RELN: variants seen among roughly 807,000 people sequenced by gnomAD.
RELN encodes the protein reelin.
Under a neutral mutation model 427.6 loss-of-function variants are expected in RELN, and 108 were observed. The observed-to-expected ratio is 0.25, with a 90% CI of 0.22 to 0.30. The LOEUF is 0.30. RELN is among the 10% of genes least tolerant of loss of function. RELN has a pLI of 1.00. For synonymous variants in RELN, 1,524 were observed against 1,513.4 expected (o/e 1.01, Z -0.16); for missense variants, 3,715 against 4,302.8 (o/e 0.86, Z 3.82).
At chr7:103,897,489 G>C (rs1794987173) in intron 2 of RELN, among the ~76,000 whole-genome samples, 1 of 151,910 alleles carries the variant, frequency 6.6e-6, no homozygotes, top group Non-Finnish European at 1.5e-5. Context: ...TATTCCATTT[G>C]AACCTGTTAT....
intron 1 of RELN, among the ~76,000 whole-genome samples, chr7:103,937,650 G>T (rs1357533508): frequency 6.6e-6 from 1 of 152,208 alleles, no homozygotes; most frequent in Non-Finnish European, 1.5e-5. Context: ...CTCAGCTAAT[G>T]TCCAGGTACT....
intron 1 of RELN, among the ~76,000 whole-genome samples, chr7:103,943,611 G>A (rs1260658947): frequency 6.6e-6 from 1 of 152,050 alleles, no homozygotes; most frequent in Non-Finnish European, 1.5e-5. Flanking sequence ...AGTGCTTTGG[G>A]AGGCAGAGGT....
rs1051830977 is a variant in RELN at position 103,890,946 on chromosome 7, C to T, written c.337+26129G>A. Among the ~76,000 whole-genome samples the T allele has an allele frequency of 5.3e-5, 8 of 151,970 alleles. No individual in the cohort carries two copies. The South Asian group carries it at 8.3e-4, about 16-fold the overall frequency. On this transcript the variant is annotated intron_variant, in intron 2 of 64. Transcript: ENST00000428762. ...CAAAAATTAGCTGGGCATGGTGGTG[C>T]GCACCTGTAATCCCAGCTGTAATCC...
At chr7:103,959,785 C>T (rs1292535738) in intron 1 of RELN, among the ~76,000 whole-genome samples, 5 of 151,858 alleles carry the variant, frequency 3.3e-5, no homozygotes, top group African/African-American at 1.2e-4. Flanking sequence ...AATTTTTTAA[C>T]AGTTTTTGTG....
At chr7:103,679,870 A>C (rs1833617283) in intron 11 of RELN, among the ~76,000 whole-genome samples, 1 of 152,152 alleles carries the variant, frequency 6.6e-6, no homozygotes, top group African/African-American at 2.4e-5. Flanking sequence ...GGTTTCTTCT[A>C]ATATCAAGTC....
chr7:103,908,636 AT>A (rs1795271946), intron 2 of RELN, among the ~76,000 whole-genome samples: 1 of 152,190 alleles, frequency 6.6e-6, no homozygotes, highest in African/African-American at 2.4e-5. Flanking sequence ...CAATAGCTGT[AT>A]ATTTGTCATG....
At chr7:103,916,937 A>G (rs1018632711) in intron 2 of RELN, 138 bp downstream of exon 2, 11 of 734,362 alleles carry the variant, frequency 1.5e-5, no homozygotes, top group Admixed American at 4.3e-5. Context: ...TCAAGCAAAC[A>G]CACACAAAAA....
At position 103,879,376 on chromosome 7, in the gene RELN, GAGTTAT is replaced by G. The variant is rs1340011992; in HGVS notation, c.337+37693_337+37698del. ...TTTACAAGTCAGGCAGAGATAACTG[GAGTTAT>G]CAAGGGTAGAAAGAACATCTCTGTT... On this transcript the variant is annotated intron_variant, in intron 2 of 64. Transcript: ENST00000428762. 9.8e-5 allele frequency among the ~76,000 whole-genome samples: 15 copies of G among 152,290 alleles called. No homozygotes were observed. The East Asian group carries it at 2.7e-3, about 27-fold the overall frequency.
Position 103,713,470 on chromosome 7 carries a change from T to C in RELN, c.805+9670A>G, listed in dbSNP as rs1562967874. On this transcript the variant is annotated intron_variant, in intron 8 of 64. Coordinates refer to ENST00000428762, the MANE Select transcript of RELN (RefSeq NM_005045.4). ...CAGTGAGTGGAAAGAGAGATAGAGA[T>C]GAATGGACAAATTTTAGGGAGCTTT... Among the ~76,000 whole-genome samples, 7 of 152,246 alleles carry C rather than the reference T, an allele frequency of 4.6e-5. No homozygotes were observed. In the South Asian group the frequency reaches 1.5e-3, roughly 32 times the overall value.
Position 103,716,663 on chromosome 7 carries a change from T to A in RELN, c.805+6477A>T, listed in dbSNP as rs1397057990. Among the ~76,000 whole-genome samples, 7 of 152,316 alleles carry A rather than the reference T, an allele frequency of 4.6e-5. No homozygotes were observed. In the South Asian group the frequency reaches 1.5e-3, roughly 32 times the overall value. Reference sequence around the variant, plus strand: ...AGGAATTCAATTTAGTTACATTGTTTTTAGTTCTAGGTGTGTGCCAAATTC... The same window carrying A: ...AGGAATTCAATTTAGTTACATTGTTATTAGTTCTAGGTGTGTGCCAAATTC... On this transcript the variant is annotated intron_variant, in intron 8 of 64. Coordinates refer to ENST00000428762, the MANE Select transcript of RELN (RefSeq NM_005045.4).
chr7:103,779,198 C>T (rs1791824209), intron 3 of RELN, among the ~76,000 whole-genome samples: 3 of 152,082 alleles, frequency 2.0e-5, no homozygotes. Context: ...GGGCAACAGC[C>T]AATGTTCCAG....
chr7:103,489,215 T>TGTGCGCGCGCACGCGC (rs1028667852), intron 60 of RELN, among the ~76,000 whole-genome samples: 12 of 151,446 alleles, frequency 7.9e-5, no homozygotes, highest in African/African-American at 2.7e-4. Context: ...TGTGTGTGTG[T>TGTGCGCGCGCACGCGC]GTGTGTGTGT....
intron 20 of RELN, among the ~76,000 whole-genome samples, chr7:103,623,976 A>G (rs1638756416): frequency 1.3e-5 from 2 of 152,178 alleles, no homozygotes; most frequent in Non-Finnish European, 2.9e-5. Context: ...CCTATCATTC[A>G]GTTCTGTCAC....
chr7:103,774,771 TTA>T (rs1791696745), intron 4 of RELN, among the ~76,000 whole-genome samples: 1 of 152,228 alleles, frequency 6.6e-6, no homozygotes, highest in African/African-American at 2.4e-5. Flanking sequence ...TGCACTCTTG[TTA>T]GCATTATTTT....
chr7:103,669,937 C>A (rs913194056), intron 11 of RELN, among the ~76,000 whole-genome samples: 3 of 152,016 alleles, frequency 2.0e-5, no homozygotes, highest in Non-Finnish European at 4.4e-5. Flanking sequence ...GAAGTTGGAG[C>A]ACAGAAAAAG....
chr7:103,924,007 CTAAGT>C (rs1286426876), intron 1 of RELN, among the ~76,000 whole-genome samples: 1 of 152,150 alleles, frequency 6.6e-6, no homozygotes, highest in African/African-American at 2.4e-5. Context: ...GAGGGGAGGG[CTAAGT>C]TATGTGCCTT....
intron 1 of RELN, among the ~76,000 whole-genome samples, chr7:103,951,120 G>A (rs569211334): frequency 1.3e-5 from 2 of 152,214 alleles, no homozygotes; most frequent in African/African-American, 4.8e-5. Context: ...TAGTAGAGAT[G>A]GGGTTTCACC....
chr7:103,942,370 T>A (rs1014157787), intron 1 of RELN, among the ~76,000 whole-genome samples: 2 of 152,182 alleles, frequency 1.3e-5, no homozygotes, highest in African/African-American at 4.8e-5. Flanking sequence ...AGGGTACATA[T>A]ATAAATGAGA....
chr7:103,520,424 T>G (rs1156328855), intron 48 of RELN, among the ~76,000 whole-genome samples: 1 of 152,076 alleles, frequency 6.6e-6, no homozygotes, highest in Non-Finnish European at 1.5e-5. Context: ...CACAGTTGTG[T>G]GCTACCACAC....
Sources: allele counts gnomAD v4.1 joint callset (sites outside exome capture counted in the v4.1 genomes callset), GRCh38; gene constraint gnomAD v4.1.1; transcripts MANE v1.5; gene names NCBI Gene and HGNC (gene_info 2026-07-23, HGNC 2026-07-21).